The following MCC variants were observed in gnomAD, a reference collection of about 807,000 sequenced individuals.
MCC encodes the protein colorectal mutant cancer protein.
Under a neutral mutation model 116.2 loss-of-function variants are expected in MCC, and 90 were observed. That is an observed-to-expected ratio of 0.77 (90% CI 0.65 to 0.92). The LOEUF (loss-of-function observed/expected upper bound fraction) is 0.92. Among genes scored for constraint, MCC ranks in the 40% least tolerant of loss-of-function variants. MCC has a pLI of 0.00. For synonymous variants in MCC, 578 were observed against 510.5 expected, an observed-to-expected ratio of 1.13 and a Z score of -1.78; for missense variants, 1,516 against 1,312.2, an observed-to-expected ratio of 1.16 and a Z score of -2.40.
intron 1 of MCC, among the ~76,000 whole-genome samples, chr5:113,395,576 A>G (rs1279664610): frequency 6.6e-6 from 1 of 152,154 alleles, no homozygotes; most frequent in African/African-American, 2.4e-5. Context: ...TTCTCTTGCA[A>G]TATATGAATT....
intron 3 of MCC, among the ~76,000 whole-genome samples, chr5:113,265,810 G>C (rs1765397378): frequency 6.6e-6 from 1 of 152,054 alleles, no homozygotes; most frequent in Admixed American, 6.6e-5. Context: ...ACTAGGAGTA[G>C]AATCATACCC....
intron 3 of MCC, among the ~76,000 whole-genome samples, chr5:113,201,571 T>A (rs1411983840): frequency 1.3e-5 from 2 of 152,188 alleles, no homozygotes; most frequent in Admixed American, 6.5e-5. Context: ...TTGCTTAACA[T>A]ATTTCTTGCA....
intron 3 of MCC, among the ~76,000 whole-genome samples, chr5:113,161,222 G>C (rs1269518741): frequency 6.6e-6 from 1 of 152,134 alleles, no homozygotes; most frequent in East Asian, 1.9e-4. Context: ...TAAATTTCAA[G>C]GGGGCTGCAT....
chr5:113,049,685 A>G (rs753507462), intron 15 of MCC, among the ~76,000 whole-genome samples: 1 of 152,186 alleles, frequency 6.6e-6, no homozygotes, highest in Non-Finnish European at 1.5e-5. Flanking sequence ...AGAGGCTGTA[A>G]AGTCACCTAT....
At chr5:113,248,118 G>A (rs534340608) in intron 3 of MCC, among the ~76,000 whole-genome samples, 2 of 151,900 alleles carry the variant, frequency 1.3e-5, no homozygotes, top group Non-Finnish European at 2.9e-5. Context: ...ATATATCCTG[G>A]TTACTCCAGG....
intron 11 of MCC, among the ~76,000 whole-genome samples, chr5:113,081,407 T>G (rs1159550283): frequency 3.3e-5 from 5 of 152,322 alleles, no homozygotes; most frequent in African/African-American, 1.2e-4. Context: ...GCGAGAGCCC[T>G]TTGTAAGCTG....
At chr5:113,306,739 A>AT (rs1199920487) in intron 3 of MCC, among the ~76,000 whole-genome samples, 1 of 151,644 alleles carries the variant, frequency 6.6e-6, no homozygotes, top group African/African-American at 2.4e-5. Flanking sequence ...CAATTTATCT[A>AT]TTTTTTCTTT....
chr5:113,476,783 G>T (rs1006407968), intron 1 of MCC, among the ~76,000 whole-genome samples: 2 of 152,050 alleles, frequency 1.3e-5, no homozygotes, highest in Non-Finnish European at 2.9e-5. Context: ...TGGGTACAGG[G>T]TTTCTTTTTG....
intron 3 of MCC, among the ~76,000 whole-genome samples, chr5:113,285,042 A>AT (rs536457561): frequency 6.6e-6 from 1 of 152,298 alleles, no homozygotes; most frequent in South Asian, 2.1e-4. Flanking sequence ...CATGCCACTC[A>AT]TTTTTTTAAA....
At chr5:113,036,012 C>CTTTTTTT (rs771378295) in intron 17 of MCC, among the ~76,000 whole-genome samples, 1 of 62,904 alleles carries the variant, frequency 1.6e-5, no homozygotes, top group African/African-American at 6.5e-5. Flanking sequence ...GGATGAGGAA[C>CTTTTTTT]TTTTTTTTTT....
chr5:113,156,323 C>T (rs2150294304), intron 3 of MCC, among the ~76,000 whole-genome samples: 1 of 152,186 alleles, frequency 6.6e-6, no homozygotes. Context: ...CAATTTAATC[C>T]CTTTTGTTGT....
At chr5:113,307,118 G>C (rs139382436) in intron 3 of MCC, among the ~76,000 whole-genome samples, 3 of 152,004 alleles carry the variant, frequency 2.0e-5, no homozygotes, top group African/African-American at 7.3e-5. Flanking sequence ...TCTTCTTCAG[G>C]GTTGCTTGGG....
At chr5:113,087,770 CTTT>C (rs35866912) in intron 8 of MCC, among the ~76,000 whole-genome samples, 94 of 143,270 alleles carry the variant, frequency 6.6e-4, no homozygotes, top group African/African-American at 1.2e-3. Context: ...GCCTACTCAT[CTTT>C]TTTTTTTTTT....
chr5:113,103,430 C>T (rs1415449965), intron 7 of MCC, among the ~76,000 whole-genome samples: 1 of 152,196 alleles, frequency 6.6e-6, no homozygotes, highest in African/African-American at 2.4e-5. Context: ...CAGGAGATTC[C>T]AGAGAAAGAA....
intron 1 of MCC, among the ~76,000 whole-genome samples, chr5:113,481,155 TA>T (rs1391457851): frequency 1.3e-5 from 2 of 152,222 alleles, no homozygotes; most frequent in African/African-American, 4.8e-5. Context: ...AGAATTATTT[TA>T]AACAATTTGA....
At chr5:113,028,853 G>A in intron 18 of MCC, 81 bp downstream of exon 18, 1 of 1,484,990 alleles carries the variant, frequency 6.7e-7, no homozygotes, top group Non-Finnish European at 9.2e-7. Flanking sequence ...GTCCATCCCT[G>A]GTGCTGTGTC....
rs371138381 is a variant in MCC at position 113,047,327 on chromosome 5, G to T, written c.2655+1766C>A. Among the ~76,000 whole-genome samples, 188 of 152,318 alleles carry T rather than the reference G, an allele frequency of 1.2e-3. 1 individual carries two copies. Among genetic ancestry groups the T allele is most frequent in the African/African-American group, 4.4e-3 (181 of 41,568 alleles). On this transcript the variant is annotated intron_variant, in intron 16 of 18. Transcript: ENST00000408903. Reference sequence around the variant, plus strand: ...TAGCACCCTGCCTTGGTTCTGGCACGCTGTGAGTGCCAAATCACATTTATC... The same window carrying T: ...TAGCACCCTGCCTTGGTTCTGGCACTCTGTGAGTGCCAAATCACATTTATC...
chr5:113,419,946 C>T (rs1304380262), intron 1 of MCC, among the ~76,000 whole-genome samples: 1 of 150,362 alleles, frequency 6.7e-6, no homozygotes, highest in Non-Finnish European at 1.5e-5. Context: ...GGGTGCAGCA[C>T]ACCAACATGG....
At chr5:113,406,592 G>C (rs900719746) in intron 1 of MCC, among the ~76,000 whole-genome samples, 1 of 152,146 alleles carries the variant, frequency 6.6e-6, no homozygotes, top group South Asian at 2.1e-4. Context: ...ACTCACTAGT[G>C]AAAGTATAAT....
Sources: allele counts gnomAD v4.1 joint callset (sites outside exome capture counted in the v4.1 genomes callset), GRCh38; gene constraint gnomAD v4.1.1; transcripts MANE v1.5; gene names NCBI Gene and HGNC (gene_info 2026-07-23, HGNC 2026-07-21).